PALLD: variants seen among roughly 807,000 people sequenced by gnomAD.
PALLD encodes palladin.
Under a neutral mutation model 123.5 loss-of-function variants are expected in PALLD, and 61 were observed. The ratio of observed to expected loss-of-function variants is 0.49; its 90% CI spans 0.40 to 0.61. PALLD has a LOEUF of 0.61. Ranked by LOEUF, PALLD falls within the 20% of genes least tolerant of loss-of-function variation. The pLI is 0.00. For missense variants in PALLD, 1,273 were observed against 1,377.0 expected, an observed-to-expected ratio of 0.92 and a Z score of 1.20; for synonymous variants, 465 against 496.4, an observed-to-expected ratio of 0.94 and a Z score of 0.84.
At chr4:168,904,186 G>A (rs28626035) in intron 15 of PALLD, 2 of 416,528 alleles carry the variant, frequency 4.8e-6, no homozygotes, top group East Asian at 4.7e-5. Context: ...TGCAGTGGTA[G>A]ACTGGACAAA....
At chr4:168,748,620 A>G (rs1730622630) in intron 10 of PALLD, among the ~76,000 whole-genome samples, 1 of 152,166 alleles carries the variant, frequency 6.6e-6, no homozygotes, top group Non-Finnish European at 1.5e-5. Context: ...TGAGTCTCAC[A>G]AGGCTGCAAT....
At position 168,835,844 on chromosome 4, in the gene PALLD, G is replaced by C. The variant is rs115791123; in HGVS notation, c.1965-55078G>C. Among the ~76,000 whole-genome samples, 544 of 152,198 alleles carry C rather than the reference G, an allele frequency of 3.6e-3. 1 individual carries two copies. The highest frequency in any genetic ancestry group is 0.013 in the African/African-American group (522 of 41,540). ...CTCCTGAGTAGCTTGGATTATAGGCGTGAGCCACTGTGCCTGGCTCAAAGA... is the reference window on the plus strand; with the variant it reads ...CTCCTGAGTAGCTTGGATTATAGGCCTGAGCCACTGTGCCTGGCTCAAAGA... On this transcript the variant is annotated intron_variant, in intron 10 of 21. Transcript: ENST00000505667.
Position 168,891,057 on chromosome 4 carries a change from G to A in PALLD, c.2100G>A (p.Pro700=). The A allele has an allele frequency of 1.2e-6, 2 of 1,613,988 alleles. No homozygotes were observed. The highest frequency in any genetic ancestry group is 1.7e-6 in the Non-Finnish European group (2 of 1,179,924). Residue 700 remains proline (P), a splice_region_variant and synonymous_variant, in exon 11 of 22, where the codon CCG becomes CCA. Coordinates refer to ENST00000505667, the MANE Select transcript of PALLD (RefSeq NM_001166108.2). ...FKEDLLNNGQ[P]RLTYEERMAR... ...AGGACCTCCTGAACAATGGCCAGCC[G>A]GTACTGATAGATTTGGGACCTGGAC...
At chr4:168,855,184 G>C (rs1365647073) in intron 10 of PALLD, among the ~76,000 whole-genome samples, 2 of 144,752 alleles carry the variant, frequency 1.4e-5, no homozygotes, top group Non-Finnish European at 3.0e-5. Flanking sequence ...TCCGCCTCCC[G>C]GGTTCAAGCG....
chr4:168,678,903 ATG>A (rs958556480), intron 3 of PALLD, among the ~76,000 whole-genome samples: 1 of 110,992 alleles, frequency 9.0e-6, no homozygotes, highest in Non-Finnish European at 1.9e-5. Context: ...TGAGGTGTGT[ATG>A]TGTGGTGTGT....
At chr4:168,865,677 T>G (rs769402709) in intron 10 of PALLD, among the ~76,000 whole-genome samples, 18 of 152,240 alleles carry the variant, frequency 1.2e-4, no homozygotes, top group Non-Finnish European at 2.1e-4. Context: ...TTGTATCACA[T>G]TTAGTGATAC....
chr4:168,632,367 A>G (rs1775920715), intron 2 of PALLD, among the ~76,000 whole-genome samples: 2 of 152,218 alleles, frequency 1.3e-5, no homozygotes, highest in African/African-American at 4.8e-5. Flanking sequence ...CTGACAGCCT[A>G]AGAGCTGCTC....
At chr4:168,691,106 C>A (rs945464476) in intron 7 of PALLD, among the ~76,000 whole-genome samples, 163 bp from the exon 8 acceptor site, 1 of 151,944 alleles carries the variant, frequency 6.6e-6, no homozygotes, top group African/African-American at 2.4e-5. Context: ...AAATATAAAC[C>A]GATCTATCAC....
intron 2 of PALLD, among the ~76,000 whole-genome samples, chr4:168,639,745 C>T (rs372089838): frequency 2.2e-4 from 33 of 152,144 alleles, no homozygotes; most frequent in East Asian, 7.7e-4. Flanking sequence ...GGGGTTTCAC[C>T]GTGTTAGCCA....
intron 2 of PALLD, among the ~76,000 whole-genome samples, chr4:168,543,676 A>C (rs1765862212): frequency 6.6e-6 from 1 of 152,234 alleles, no homozygotes; most frequent in African/African-American, 2.4e-5. Context: ...TCATCATTTG[A>C]AGGGTACCTT....
intron 10 of PALLD, among the ~76,000 whole-genome samples, chr4:168,866,645 C>T (rs944425627): frequency 4.6e-5 from 7 of 152,136 alleles, no homozygotes; most frequent in Middle Eastern, 3.2e-3. Context: ...ATATAATGAA[C>T]GCTAGTTGAT....
chr4:168,793,193 A>ATG (rs1317730720), intron 10 of PALLD, among the ~76,000 whole-genome samples: 11 of 94,984 alleles, frequency 1.2e-4, no homozygotes, highest in African/African-American at 4.6e-4. Context: ...ATACATATAT[A>ATG]TGTGTGCATA....
At position 168,700,110 on chromosome 4, in the gene PALLD, A is replaced by G. The variant is rs547938008; in HGVS notation, c.1501+8818A>G. On this transcript the variant is annotated intron_variant, in intron 8 of 21. Coordinates refer to ENST00000505667, the MANE Select transcript of PALLD (RefSeq NM_001166108.2). ...ATCTCATTTCCTCATGGCTTTCTTC[A>G]TTTTTATAATGTCAGAACCATACAA... 58 of 281,910 alleles carry G rather than the reference A, an allele frequency of 2.1e-4. 1 individual carries two copies. The highest frequency in any genetic ancestry group is 1.4e-3 in the South Asian group (36 of 25,922). The allele number at this position is 281,910 out of a possible 1,614,324, so 17.5% of individuals were successfully genotyped here.
At chr4:168,885,994 T>G (rs188555343) in intron 10 of PALLD, among the ~76,000 whole-genome samples, 2 of 152,390 alleles carry the variant, frequency 1.3e-5, no homozygotes. Flanking sequence ...ATTCTAATTT[T>G]CTCTTATTTT....
At chr4:168,629,386 T>C (rs1227293698) in intron 2 of PALLD, among the ~76,000 whole-genome samples, 1 of 152,172 alleles carries the variant, frequency 6.6e-6, no homozygotes, top group Non-Finnish European at 1.5e-5. Flanking sequence ...CCTGGAAGTC[T>C]ACAGAGAAAA....
At chr4:168,798,153 G>C (rs886642242) in intron 10 of PALLD, among the ~76,000 whole-genome samples, 7 of 152,140 alleles carry the variant, frequency 4.6e-5, no homozygotes, top group African/African-American at 1.7e-4. Flanking sequence ...TGCTTTCTAT[G>C]ATGAGTAGAT....
intron 2 of PALLD, among the ~76,000 whole-genome samples, chr4:168,614,410 C>T (rs527456243): frequency 6.6e-6 from 1 of 151,656 alleles, no homozygotes; most frequent in African/African-American, 2.4e-5. Flanking sequence ...CTGGCCTAGT[C>T]AATGTTTTTT....
intron 10 of PALLD, among the ~76,000 whole-genome samples, chr4:168,858,268 T>C (rs1428979176): frequency 6.6e-6 from 1 of 152,218 alleles, no homozygotes; most frequent in Admixed American, 6.5e-5. Flanking sequence ...TCAGGGGTCA[T>C]TTTTTCTTTA....
intron 8 of PALLD, among the ~76,000 whole-genome samples, chr4:168,698,955 A>C: frequency 6.6e-6 from 1 of 152,142 alleles, no homozygotes; most frequent in East Asian, 1.9e-4. Flanking sequence ...GGAATGTTTT[A>C]TTTCATAGAC....
Sources: allele counts gnomAD v4.1 joint callset (sites outside exome capture counted in the v4.1 genomes callset), GRCh38; gene constraint gnomAD v4.1.1; transcripts MANE v1.5; gene names NCBI Gene and HGNC (gene_info 2026-07-23, HGNC 2026-07-21).